C2orf49: variants seen among roughly 807,000 people sequenced by gnomAD.
The protein encoded by C2orf49 is tRNA-splicing ligase complex subunit ASW.
In C2orf49, 11 loss-of-function variants were observed where a neutral mutation model predicts 20.6. That is an observed-to-expected ratio of 0.53 (90% CI 0.34 to 0.88). The LOEUF is 0.88. Among genes scored for constraint, C2orf49 ranks in the 40% least tolerant of loss-of-function variants. The pLI is 0.02. For synonymous variants in C2orf49, 134 were observed against 108.5 expected (o/e 1.24, Z -1.46); for missense variants, 289 against 274.2 (o/e 1.05, Z -0.38).
chr2:105,339,517 G>T, intron 1 of C2orf49, 66 bp from the exon 2 acceptor site: 5 of 1,441,490 alleles, frequency 3.5e-6, no homozygotes, highest in Non-Finnish European at 4.7e-6. Flanking sequence ...ACCATGTTAG[G>T]TAAGGTGGTT....
At chr2:105,340,978 A>G (rs916900643) in intron 2 of C2orf49, among the ~76,000 whole-genome samples, 3 of 152,248 alleles carry the variant, frequency 2.0e-5, no homozygotes, top group African/African-American at 7.2e-5. Context: ...TTCTCCAATT[A>G]TGAAGAATAG....
chr2:105,376,890 C>T, the C2orf49 span: 2 of 152,176 alleles, frequency 1.3e-5, no homozygotes, highest in African/African-American at 4.8e-5. Flanking sequence ...GAGGACATGA[C>T]GTTAAGTGAA....
chr2:105,381,949 C>G, the C2orf49 span, among the ~76,000 whole-genome samples: 2 of 152,236 alleles, frequency 1.3e-5, no homozygotes, highest in South Asian at 4.1e-4. Context: ...GTGGGTTTTT[C>G]AAACCTGACC....
At chr2:105,345,204 G>A in intron 3 of C2orf49, 111 bp from the exon 4 acceptor site, 1 of 902,924 alleles carries the variant, frequency 1.1e-6, no homozygotes, top group Non-Finnish European at 1.7e-6. Context: ...GATGGCAGCA[G>A]TGATCTTCCA....
the C2orf49 span, among the ~76,000 whole-genome samples, chr2:105,380,060 C>A: frequency 3.3e-5 from 5 of 152,160 alleles, no homozygotes; most frequent in African/African-American, 1.2e-4. Flanking sequence ...CCTGGACTCG[C>A]TTCTTAAGAA....
At chr2:105,350,647 T>C (rs1463573628), downstream of C2orf49, among the ~76,000 whole-genome samples, 5 of 152,226 alleles carry the variant, frequency 3.3e-5, no homozygotes, top group African/African-American at 9.6e-5. Context: ...TTACCAGTTA[T>C]GGTGAAAGAC....
chr2:105,347,588 T>G lies in C2orf49; in HGVS notation c.*2217T>G, dbSNP rs1679845197. The G allele has an allele frequency of 1.3e-5, 2 of 152,364 alleles. No homozygotes were observed. The highest frequency in any genetic ancestry group is 4.8e-5 in the African/African-American group (2 of 41,604). The allele number at this position is 152,364 out of a possible 1,614,324, so 9.4% of individuals were successfully genotyped here. ...GCATATTATTGAGCTATTTTGAGTT[T>G]GAAATGTGGAGAAACGCTAAACCAT... On this transcript the variant is annotated 3_prime_UTR_variant, in exon 4 of 4. Transcript: ENST00000258457.
chr2:105,370,997 C>T, the C2orf49 span, among the ~76,000 whole-genome samples: 1 of 152,156 alleles, frequency 6.6e-6, no homozygotes, highest in African/African-American at 2.4e-5. Context: ...TTGCTTCCCC[C>T]ATTCCTTAGT....
Position 105,346,260 on chromosome 2 carries a change from C to T in C2orf49, c.*889C>T, listed in dbSNP as rs993638176. 1.3e-5 allele frequency: 2 copies of T among 152,164 alleles called. No homozygotes were observed. The highest frequency in any genetic ancestry group is 2.1e-4 in the South Asian group (1 of 4,828). 9.4% of individuals were successfully genotyped at this position (152,164 alleles called of 1,614,324 possible). A position where few individuals can be genotyped will look rare whatever the true frequency, so the allele number is the denominator to read the frequency against. ...TGCTGTTCTTTAATTGCTTACATTGCTTCTTCCCATAAAAAGCAAAAAGGA... is the reference window on the plus strand; with the variant it reads ...TGCTGTTCTTTAATTGCTTACATTGTTTCTTCCCATAAAAAGCAAAAAGGA... On this transcript the variant is annotated 3_prime_UTR_variant, in exon 4 of 4. Coordinates refer to ENST00000258457, the MANE Select transcript of C2orf49 (RefSeq NM_024093.3).
In C2orf49 at chr2:105,345,768, G is replaced by T; in HGVS notation, c.*397G>T. ...ACCTGAGGTCAGGAGTTTGAGACCA[G>T]CCTGACCAACATGGAGAAACCCCGT... On this transcript the variant is annotated 3_prime_UTR_variant, in exon 4 of 4. Transcript: ENST00000258457. 6.0e-6 allele frequency: 1 copy of T among 167,346 alleles called. No homozygotes were observed. The highest frequency in any genetic ancestry group is 1.3e-5 in the Non-Finnish European group (1 of 78,412). The allele number at this position is 167,346 out of a possible 1,614,324, so 10.4% of individuals were successfully genotyped here. A position where few individuals can be genotyped will look rare whatever the true frequency, so the allele number is the denominator to read the frequency against.
the C2orf49 span, among the ~76,000 whole-genome samples, chr2:105,372,770 C>T: frequency 6.6e-6 from 1 of 151,810 alleles, no homozygotes; most frequent in Non-Finnish European, 1.5e-5. Flanking sequence ...TTGGCCAGGC[C>T]GATTTCAAAC....
chr2:105,337,692 GCGCGCCGGATCGGAGGGTGGGC>G lies in C2orf49; in HGVS notation c.99+7_99+28del. On this transcript the variant is annotated splice_region_variant and intron_variant, in intron 1 of 3. Coordinates refer to ENST00000258457, the MANE Select transcript of C2orf49 (RefSeq NM_024093.3). ...TTCTCCTCACTCTGGAGCAGGTTGG[GCGCGCCGGATCGGAGGGTGGGC>G]GGGTGGGCCTTCCCAGGTGAGGCGC... 7.3e-7 allele frequency: 1 copy of G among 1,375,994 alleles called. No homozygotes were observed. The highest frequency in any genetic ancestry group is 9.8e-7 in the Non-Finnish European group (1 of 1,016,478). 85.2% of individuals were successfully genotyped at this position (1,375,994 alleles called of 1,614,324 possible).
chr2:105,337,644 G>A lies in C2orf49; in HGVS notation c.57G>A (p.Pro19=), dbSNP rs772449289. 6 of 1,609,472 alleles carry A rather than the reference G, an allele frequency of 3.7e-6. No homozygotes were observed. In the Admixed American group the frequency reaches 8.4e-5, roughly 22 times the overall value. The change falls in exon 1 of 4, where the codon CCG becomes CCA. Residue 19 remains proline (P), a synonymous_variant. Transcript: ENST00000258457. ...SCTDSELLLH[P]ELLSQEFLLL... ...CGGACTCGGAACTGCTGCTGCACCCGGAGCTGCTGTCCCAGGAGTTCCTTC... is the reference window on the plus strand; with the variant it reads ...CGGACTCGGAACTGCTGCTGCACCCAGAGCTGCTGTCCCAGGAGTTCCTTC...
At position 105,339,579 on chromosome 2, in the gene C2orf49, G is replaced by T; in HGVS notation, c.100-4G>T. 1 of 1,574,834 alleles carries T rather than the reference G, an allele frequency of 6.3e-7. No homozygotes were observed. The highest frequency in any genetic ancestry group is 8.5e-7 in the Non-Finnish European group (1 of 1,169,844). ...TGAAATTACTTTTGTTTCCTTTCCC[G>T]CAGAAGAACATAGCTGTTGAAACTG... On this transcript the variant is annotated splice_region_variant and splice_polypyrimidine_tract_variant and intron_variant, in intron 1 of 3. Transcript: ENST00000258457.
chr2:105,377,856 C>CATTAAAAAA, the C2orf49 span: 5 of 359,692 alleles, frequency 1.4e-5, no homozygotes, highest in South Asian at 6.5e-5. Context: ...CTTGGCCTCT[C>CATTAAAAAA]TCTGGGAAGA....
the C2orf49 span, among the ~76,000 whole-genome samples, chr2:105,379,890 C>T: frequency 6.6e-6 from 1 of 152,196 alleles, no homozygotes; most frequent in Non-Finnish European, 1.5e-5. Flanking sequence ...TGTGCCACGC[C>T]GGCGACCTAG....
chr2:105,373,413 T>C, the C2orf49 span: 1 of 795,078 alleles, frequency 1.3e-6, no homozygotes, highest in Non-Finnish European at 2.1e-6. Context: ...TCGTAAGTAC[T>C]CTAAATACTC....
At chr2:105,363,193 G>T in the C2orf49 span, 1 of 1,263,580 alleles carries the variant, frequency 7.9e-7, no homozygotes, top group Non-Finnish European at 1.1e-6. Flanking sequence ...GGTCTGGGGA[G>T]TTGAGGGATA....
downstream of C2orf49, among the ~76,000 whole-genome samples, chr2:105,351,826 C>T (rs1679943488): frequency 6.6e-6 from 1 of 152,154 alleles, no homozygotes; most frequent in Non-Finnish European, 1.5e-5. Context: ...TGTTTTTAGG[C>T]CTCCTCAACT....
Sources: allele counts gnomAD v4.1 joint callset (sites outside exome capture counted in the v4.1 genomes callset), GRCh38; gene constraint gnomAD v4.1.1; transcripts MANE v1.5; gene names NCBI Gene and HGNC (gene_info 2026-07-23, HGNC 2026-07-21).